KDM5A: variants seen among roughly 807,000 people sequenced by gnomAD.
The protein encoded by KDM5A is lysine-specific demethylase 5A.
Under a neutral mutation model 193.5 loss-of-function variants are expected in KDM5A, and 42 were observed. The observed-to-expected ratio is 0.22, with a 90% CI of 0.17 to 0.28. The LOEUF is 0.28. Ranked by LOEUF, KDM5A falls within the 10% of genes least tolerant of loss-of-function variation. KDM5A has a pLI of 1.00. For synonymous variants in KDM5A, 796 were observed against 718.1 expected (o/e 1.11, Z -1.73); for missense variants, 1,692 against 2,055.1 (o/e 0.82, Z 3.42).
rs1427924449 is a variant in KDM5A, at chr12:297,093, A to AGGTG, written c.4178_4181dup (p.Ser1395ThrfsTer14). 6.2e-7 allele frequency: 1 copy of AGGTG among 1,614,072 alleles called. No individual in the cohort carries two copies. On this transcript the variant is annotated frameshift_variant, in exon 25 of 28. Coordinates refer to ENST00000399788, the MANE Select transcript of KDM5A (RefSeq NM_001042603.3). LOFTEE classifies it high-confidence loss of function. ...AATAAGCATGCTCTGCACAAAATGA[A>AGGTG]GGTGCTGTCCACATGTGGGTCACCA...
intron 1 of KDM5A, among the ~76,000 whole-genome samples, chr12:387,757 T>A (rs1346808922): frequency 6.6e-6 from 1 of 152,200 alleles, no homozygotes; most frequent in African/African-American, 2.4e-5. Flanking sequence ...TGTCAGGGCT[T>A]CAAAGATTAA....
intron 14 of KDM5A, among the ~76,000 whole-genome samples, chr12:326,376 TAAC>T (rs1943783700): frequency 6.6e-6 from 1 of 151,998 alleles, no homozygotes; most frequent in South Asian, 2.1e-4. Context: ...CAGCACAAAA[TAAC>T]AACAATAAAC....
chr12:355,053 A>G (rs2137455961), intron 7 of KDM5A, 105 bp downstream of exon 7: 2 of 775,048 alleles, frequency 2.6e-6, no homozygotes, highest in East Asian at 5.1e-5. Flanking sequence ...AAGTCTTCTA[A>G]CCAAACGAGC....
intron 3 of KDM5A, among the ~76,000 whole-genome samples, chr12:373,150 T>G (rs973170500): frequency 6.6e-6 from 1 of 152,218 alleles, no homozygotes; most frequent in Non-Finnish European, 1.5e-5. Flanking sequence ...TTGACTGGAA[T>G]AGTTTCAGAA....
At chr12:379,354 G>A (rs1333012703) in intron 3 of KDM5A, among the ~76,000 whole-genome samples, 4 of 152,114 alleles carry the variant, frequency 2.6e-5, no homozygotes, top group African/African-American at 9.7e-5. Context: ...AATGATAAAG[G>A]TCAGAATAAA....
intron 5 of KDM5A, among the ~76,000 whole-genome samples, chr12:362,147 T>C (rs1330812739): frequency 6.6e-6 from 1 of 152,166 alleles, no homozygotes; most frequent in Non-Finnish European, 1.5e-5. Flanking sequence ...CCTGTCTATC[T>C]ATATGTTAAC....
intron 24 of KDM5A, among the ~76,000 whole-genome samples, chr12:306,055 C>T (rs1008400362): frequency 5.4e-5 from 8 of 148,806 alleles, no homozygotes; most frequent in African/African-American, 5.0e-5. Flanking sequence ...ACTGCAGCCT[C>T]GACCTCCTAG....
intron 3 of KDM5A, among the ~76,000 whole-genome samples, chr12:381,734 C>A (rs1267959206): frequency 6.6e-6 from 1 of 152,120 alleles, no homozygotes; most frequent in Non-Finnish European, 1.5e-5. Flanking sequence ...GACCGTACTT[C>A]CCAAATTTTT....
At chr12:313,680 T>C (rs1846962926) in intron 19 of KDM5A, among the ~76,000 whole-genome samples, 1 of 152,190 alleles carries the variant, frequency 6.6e-6, no homozygotes, top group African/African-American at 2.4e-5. Flanking sequence ...TTAACATTAG[T>C]TACACAAAGA....
At chr12:330,322 T>A (rs2137421043) in intron 13 of KDM5A, among the ~76,000 whole-genome samples, 1 of 152,286 alleles carries the variant, frequency 6.6e-6, no homozygotes, top group South Asian at 2.1e-4. Flanking sequence ...ATTAATTTAT[T>A]CCACAGATAA....
chr12:326,796 C>T (rs1416355266), intron 14 of KDM5A, among the ~76,000 whole-genome samples: 2 of 135,718 alleles, frequency 1.5e-5, no homozygotes, highest in South Asian at 2.5e-4. Flanking sequence ...ACCCGCAGGG[C>T]GGAGCTTGCA....
chr12:319,555 C>A (rs1943691121), intron 18 of KDM5A, among the ~76,000 whole-genome samples: 1 of 151,934 alleles, frequency 6.6e-6, no homozygotes, highest in Admixed American at 6.6e-5. Context: ...GTTTTGAGAC[C>A]AGCCTGGGCA....
chr12:313,650 G>A (rs1943616496), intron 19 of KDM5A, among the ~76,000 whole-genome samples: 1 of 152,130 alleles, frequency 6.6e-6, no homozygotes, highest in South Asian at 2.1e-4. Flanking sequence ...TGTTGACAAT[G>A]TACATTTAAA....
intron 17 of KDM5A, 118 bp downstream of exon 17, chr12:322,299 G>A (rs1054376589): frequency 1.2e-6 from 1 of 851,652 alleles, no homozygotes; most frequent in Non-Finnish European, 1.9e-6. Context: ...GGGGAAGCAA[G>A]AGACATGGCA....
chr12:295,722 C>G lies in KDM5A; in HGVS notation c.4306G>C (p.Glu1436Gln), dbSNP rs766016026. ...VPRSLEPPVL[E>Q]LSPGAKAQLE... is the part of the protein sequence containing the mutation. ...TGTGCCTTAGCTCCAGGTGACAACT[C>G]CAGCACTGGAGGTTCCAAACTTCGG... The change falls in exon 26 of 28, where the codon GAG (glutamate) becomes CAG (glutamine). Residue 1436 changes from glutamate to glutamine, a missense_variant. Glu to Gln is a conservative substitution (Grantham distance 29). Coordinates refer to ENST00000399788, the MANE Select transcript of KDM5A (RefSeq NM_001042603.3). 5 of 1,614,114 alleles carry G rather than the reference C, an allele frequency of 3.1e-6. No individual in the cohort carries two copies. Among genetic ancestry groups the G allele is most frequent in the South Asian group, 1.1e-5 (1 of 91,080 alleles).
At chr12:385,314 T>A (rs1200280475) in intron 2 of KDM5A, among the ~76,000 whole-genome samples, 1 of 151,792 alleles carries the variant, frequency 6.6e-6, no homozygotes, top group African/African-American at 2.4e-5. Flanking sequence ...AGTTTTCATA[T>A]CACAATGAAG....
At chr12:363,361 C>G (rs1944315925) in intron 4 of KDM5A, among the ~76,000 whole-genome samples, 1 of 152,024 alleles carries the variant, frequency 6.6e-6, no homozygotes, top group Admixed American at 6.5e-5. Flanking sequence ...TACTGAATAT[C>G]AACATTTACC....
intron 10 of KDM5A, among the ~76,000 whole-genome samples, chr12:349,538 C>G (rs541944107): frequency 1.3e-5 from 2 of 151,072 alleles, no homozygotes; most frequent in African/African-American, 4.9e-5. Context: ...CCATCTTGGC[C>G]AGGCTGGTCT....
chr12:328,603 C>T (rs1383288145), intron 14 of KDM5A, among the ~76,000 whole-genome samples: 2 of 151,970 alleles, frequency 1.3e-5, no homozygotes, highest in African/African-American at 4.8e-5. Context: ...TAAATATATA[C>T]CTAAGAAATT....
Sources: allele counts gnomAD v4.1 joint callset (sites outside exome capture counted in the v4.1 genomes callset), GRCh38; gene constraint gnomAD v4.1.1; transcripts MANE v1.5; gene names NCBI Gene and HGNC (gene_info 2026-07-23, HGNC 2026-07-21).